The following ADK variants were observed in gnomAD, a reference collection of about 807,000 sequenced individuals.
ADK encodes the protein N6,N6-dimethyladenosine kinase.
ADK carries 24 observed loss-of-function variants against 44.7 expected under a neutral mutation model. The ratio of observed to expected loss-of-function variants is 0.54; its 90% CI spans 0.39 to 0.76. The LOEUF is 0.76. ADK is among the 30% of genes least tolerant of loss of function. The probability of loss-of-function intolerance (pLI) is 0.00; values close to 1 mark genes in which losing one functional copy is unlikely to be tolerated. For synonymous variants in ADK, 128 were observed against 142.6 expected, an observed-to-expected ratio of 0.90 and a Z score of 0.73; for missense variants, 321 against 425.1, an observed-to-expected ratio of 0.76 and a Z score of 2.15.
chr10:74,287,267 A>T lies in ADK; in HGVS notation c.195-27400A>T, dbSNP rs2132465724. The stretch of plus-strand genomic sequence containing the variant: ...ATCACGTGGTCAGGAGATCAAGACC[A>T]TCCTGGCTAACATGGTGAAACCCCC... On this transcript the variant is annotated intron_variant, in intron 3 of 10. Coordinates refer to ENST00000539909, the MANE Select transcript of ADK (RefSeq NM_006721.4). Among the ~76,000 whole-genome samples, 2 of 152,216 alleles carry T rather than the reference A, an allele frequency of 1.3e-5. 1 individual carries two copies. The highest frequency in any genetic ancestry group is 4.1e-4 in the South Asian group (2 of 4,826).
At chr10:74,337,161 G>T (rs10824152) in intron 4 of ADK, among the ~76,000 whole-genome samples, 8 of 152,182 alleles carry the variant, frequency 5.3e-5, no homozygotes, top group Non-Finnish European at 7.4e-5. Context: ...GGAGACGTAT[G>T]TAACAGGCAA....
intron 3 of ADK, among the ~76,000 whole-genome samples, chr10:74,258,282 A>C (rs936736877): frequency 1.3e-5 from 2 of 152,160 alleles, no homozygotes; most frequent in African/African-American, 4.8e-5. Context: ...TGGAAAATCT[A>C]GCCTAAAAGG....
chr10:74,687,597 T>C (rs1321875227), intron 10 of ADK, among the ~76,000 whole-genome samples: 6 of 152,214 alleles, frequency 3.9e-5, no homozygotes, highest in African/African-American at 1.4e-4. Flanking sequence ...CCTTGTCCAC[T>C]ACCTTCTTCC....
intron 6 of ADK, among the ~76,000 whole-genome samples, chr10:74,476,604 C>A (rs1301696236): frequency 6.6e-6 from 1 of 152,086 alleles, no homozygotes; most frequent in Non-Finnish European, 1.5e-5. Flanking sequence ...AAAGGAAATA[C>A]TGTTGGCTAC....
intron 4 of ADK, among the ~76,000 whole-genome samples, chr10:74,391,696 C>CACACACACACACACAT (rs1156748052): frequency 1.3e-5 from 2 of 150,256 alleles, no homozygotes; most frequent in African/African-American, 4.9e-5. Flanking sequence ...CACACACACA[C>CACACACACACACACAT]ATTCTCTTTT....
intron 9 of ADK, among the ~76,000 whole-genome samples, chr10:74,659,684 A>T (rs1854626254): frequency 6.6e-6 from 1 of 152,240 alleles, no homozygotes; most frequent in South Asian, 2.1e-4. Context: ...CCTACAAGCT[A>T]GGAGCAAGGA....
intron 3 of ADK, among the ~76,000 whole-genome samples, chr10:74,291,248 C>T (rs11000963): frequency 6.6e-6 from 1 of 152,024 alleles, no homozygotes. Flanking sequence ...AACCCTGTCT[C>T]TAATAAAAAA....
At chr10:74,442,624 C>T (rs980900702) in intron 6 of ADK, among the ~76,000 whole-genome samples, 7 of 152,020 alleles carry the variant, frequency 4.6e-5, no homozygotes, top group Admixed American at 2.0e-4. Context: ...CCAGCCTGGG[C>T]GACAGAGTGA....
At chr10:74,698,696 A>C (rs1020190741) in intron 10 of ADK, among the ~76,000 whole-genome samples, 12 of 151,892 alleles carry the variant, frequency 7.9e-5, no homozygotes, top group Non-Finnish European at 1.6e-4. Context: ...AGCTGAGACT[A>C]CATGTATGTA....
chr10:74,280,050 TTTCTC>T (rs913566044), intron 3 of ADK, among the ~76,000 whole-genome samples: 2 of 152,116 alleles, frequency 1.3e-5, no homozygotes, highest in African/African-American at 4.8e-5. Flanking sequence ...AAAGTTTACT[TTTCTC>T]TTTTCTGTAA....
chr10:74,373,981 A>G (rs537189686), intron 4 of ADK, among the ~76,000 whole-genome samples: 7 of 152,338 alleles, frequency 4.6e-5, no homozygotes, highest in Non-Finnish European at 7.4e-5. Context: ...ACATGCTACA[A>G]CATGGGCAAA....
chr10:74,280,186 A>C (rs1846871253), intron 3 of ADK, among the ~76,000 whole-genome samples: 1 of 151,820 alleles, frequency 6.6e-6, no homozygotes, highest in South Asian at 2.1e-4. Context: ...TGCTCACTGC[A>C]ACCTCCACCT....
intron 7 of ADK, among the ~76,000 whole-genome samples, chr10:74,537,488 T>C (rs890553594): frequency 2.0e-5 from 3 of 152,260 alleles, no homozygotes; most frequent in African/African-American, 7.2e-5. Context: ...AAGGTAATTA[T>C]AATCCATTGA....
chr10:74,272,170 T>G (rs531877725), intron 3 of ADK, among the ~76,000 whole-genome samples: 1 of 152,342 alleles, frequency 6.6e-6, no homozygotes. Flanking sequence ...GTAAGGGATG[T>G]GAGAAATTTT....
intron 6 of ADK, among the ~76,000 whole-genome samples, chr10:74,458,148 G>GA (rs1355523807): frequency 3.3e-5 from 4 of 121,934 alleles, no homozygotes; most frequent in Non-Finnish European, 6.5e-5. Flanking sequence ...TTTTTTTTTG[G>GA]GGGGAGAAGG....
intron 4 of ADK, among the ~76,000 whole-genome samples, chr10:74,332,768 A>G (rs552025194): frequency 6.6e-6 from 1 of 152,312 alleles, no homozygotes; most frequent in Non-Finnish European, 1.5e-5. Context: ...AACCAATGAA[A>G]TGTAAGATGG....
intron 9 of ADK, among the ~76,000 whole-genome samples, chr10:74,647,484 ACT>A (rs1854094705): frequency 6.6e-6 from 1 of 152,138 alleles, no homozygotes; most frequent in African/African-American, 2.4e-5. Context: ...AGTTGGTCTA[ACT>A]CTGTGCCGAA....
intron 9 of ADK, among the ~76,000 whole-genome samples, chr10:74,647,958 C>T (rs996833700): frequency 6.6e-6 from 1 of 152,146 alleles, no homozygotes; most frequent in African/African-American, 2.4e-5. Flanking sequence ...GCTTTCCTAT[C>T]TTCAGTTCAA....
intron 2 of ADK, among the ~76,000 whole-genome samples, chr10:74,205,712 A>AATTCACT (rs1375380636): frequency 3.3e-5 from 5 of 151,320 alleles, no homozygotes; most frequent in Admixed American, 1.3e-4. Flanking sequence ...TAATTAGAGT[A>AATTCACT]ATTCACTATA....
Sources: gnomAD v4.1 joint callset for allele counts (sites outside exome capture counted in the v4.1 genomes callset) on GRCh38, gnomAD v4.1.1 for gene constraint, MANE v1.5 for transcripts, NCBI Gene and HGNC (gene_info 2026-07-23, HGNC 2026-07-21) for gene names.